Variants in TPO observed in about 807,000 individuals in gnomAD.
TPO encodes thyroid microsomal antigen.
Under a neutral mutation model 96.9 loss-of-function variants are expected in TPO, and 78 were observed. The observed-to-expected ratio is 0.81, with a 90% CI of 0.67 to 0.97. The LOEUF (loss-of-function observed/expected upper bound fraction) is 0.97, where lower values mean the gene tolerates loss of function less well. TPO is among the 50% of genes least tolerant of loss of function. TPO has a pLI of 0.00. For synonymous variants in TPO, 547 were observed against 538.0 expected, an observed-to-expected ratio of 1.02 and a Z score of -0.23; for missense variants, 1,252 against 1,274.8, an observed-to-expected ratio of 0.98 and a Z score of 0.27.
chr2:1,454,706 G>A (rs1419370484), intron 6 of TPO, among the ~76,000 whole-genome samples: 1 of 152,166 alleles, frequency 6.6e-6, no homozygotes. Context: ...GGATAAGACT[G>A]TCTTACCCAC....
intron 1 of TPO, among the ~76,000 whole-genome samples, chr2:1,386,116 G>T (rs948394918): frequency 6.6e-6 from 1 of 152,200 alleles, no homozygotes; most frequent in Non-Finnish European, 1.5e-5. Context: ...ATTTGCTGAG[G>T]AGTGCTTTAC....
intron 1 of TPO, among the ~76,000 whole-genome samples, chr2:1,386,136 T>C (rs1661890466): frequency 1.3e-5 from 2 of 152,208 alleles, no homozygotes; most frequent in African/African-American, 4.8e-5. Context: ...CTTCCAACTA[T>C]GTGGTCAATT....
chr2:1,396,071 C>T lies in TPO; in HGVS notation n.180+21669C>T, dbSNP rs142876198. The stretch of plus-strand genomic sequence containing the variant: ...TCCAGATGCTTCCTGTGAGCTGCCA[C>T]TAAGCTCTGCTCTGCTGGAAGCTCA... On this transcript the variant is annotated intron_variant and non_coding_transcript_variant, in intron 1 of 5. Transcript: ENST00000497517. Among the ~76,000 whole-genome samples the T allele has an allele frequency of 6.3e-3, 953 of 152,352 alleles. 3 individuals carry two copies. The highest frequency in any genetic ancestry group is 0.01 in the Non-Finnish European group (701 of 68,030).
chr2:1,429,312 G>A (rs1440923660), intron 3 of TPO, among the ~76,000 whole-genome samples: 1 of 152,160 alleles, frequency 6.6e-6, no homozygotes, highest in African/African-American at 2.4e-5. Context: ...AAGCCAGGCA[G>A]GTGCAGGAGC....
chr2:1,450,797 G>A (rs1230695616), intron 5 of TPO, among the ~76,000 whole-genome samples: 3 of 152,172 alleles, frequency 2.0e-5, no homozygotes, highest in African/African-American at 7.2e-5. Flanking sequence ...TTTTAATTGA[G>A]TAATCTAACA....
intron 9 of TPO, 104 bp downstream of exon 9, chr2:1,484,958 C>A: frequency 6.5e-7 from 1 of 1,541,756 alleles, no homozygotes; most frequent in Non-Finnish European, 8.8e-7. Context: ...GCACAACGTG[C>A]AGGTTTGTTA....
intron 1 of TPO, among the ~76,000 whole-genome samples, chr2:1,396,477 T>C (rs1573058755): frequency 6.6e-6 from 1 of 152,234 alleles, no homozygotes; most frequent in East Asian, 1.9e-4. Flanking sequence ...TCTGCAAATC[T>C]GACAGTGCTC....
chr2:1,418,009 G>A (rs112260033), intron 2 of TPO, among the ~76,000 whole-genome samples: 2,679 of 151,434 alleles, frequency 0.018, 94 homozygotes, highest in African/African-American at 0.062. Flanking sequence ...TCAGGCCAGT[G>A]CCATGACTCA....
rs1405825046 is a variant in TPO at position 1,539,266 on chromosome 2, G to GCTAA, written c.2619-1325_2619-1322dup. On this transcript the variant is annotated intron_variant, in intron 15 of 16. Coordinates refer to ENST00000329066, the MANE Select transcript of TPO (RefSeq NM_001206744.2). ...AATTTTAATAGAAGCTGGCATTGGT[G>GCTAA]CTAACTCCTTACAGACTTTATGTCA... Among the ~76,000 whole-genome samples, 3 of 152,174 alleles carry GCTAA rather than the reference G, an allele frequency of 2.0e-5. No homozygotes were observed. The East Asian group carries it at 5.8e-4, about 29-fold the overall frequency.
chr2:1,463,149 G>A (rs1668601366), intron 7 of TPO, among the ~76,000 whole-genome samples: 1 of 152,182 alleles, frequency 6.6e-6, no homozygotes, highest in African/African-American at 2.4e-5. Flanking sequence ...AGGCCCCAGG[G>A]TGGGTCTCCA....
intron 5 of TPO, among the ~76,000 whole-genome samples, chr2:1,452,314 A>C (rs936037103): frequency 6.6e-6 from 1 of 152,208 alleles, no homozygotes; most frequent in Non-Finnish European, 1.5e-5. Flanking sequence ...AGTTCCAGTT[A>C]GTTCCTTCAT....
At chr2:1,476,853 G>C (rs565962554) in intron 7 of TPO, among the ~76,000 whole-genome samples, 13 of 150,412 alleles carry the variant, frequency 8.6e-5, no homozygotes, top group Admixed American at 5.9e-4. Context: ...AGCAGGCCAG[G>C]GGGGAGGTGG....
intron 10 of TPO, among the ~76,000 whole-genome samples, chr2:1,493,198 G>C (rs1265681698): frequency 8.0e-6 from 1 of 124,840 alleles, no homozygotes; most frequent in Non-Finnish European, 1.7e-5. Flanking sequence ...GTGTGTGTGT[G>C]TGTGAGTGGG....
intron 1 of TPO, among the ~76,000 whole-genome samples, chr2:1,385,138 A>T (rs529540260): frequency 6.6e-6 from 1 of 151,476 alleles, no homozygotes; most frequent in Non-Finnish European, 1.5e-5. Flanking sequence ...TTTTTGCATC[A>T]GTGTTCATCA....
At chr2:1,541,027 G>A (rs1680702993) in intron 16 of TPO, 1 of 1,343,636 alleles carries the variant, frequency 7.4e-7, no homozygotes, top group Non-Finnish European at 9.7e-7. Flanking sequence ...CACAGGAGAG[G>A]AAGGAGAAGC....
At chr2:1,387,270 TG>T (rs940954889) in intron 1 of TPO, among the ~76,000 whole-genome samples, 49 of 152,238 alleles carry the variant, frequency 3.2e-4, no homozygotes, top group Admixed American at 3.1e-3. Flanking sequence ...CTTGCTAGGT[TG>T]GGGATGTTCT....
At chr2:1,523,131 C>T (rs1488657584) in intron 15 of TPO, among the ~76,000 whole-genome samples, 1 of 148,286 alleles carries the variant, frequency 6.7e-6, no homozygotes, top group Non-Finnish European at 1.5e-5. Context: ...CCCAAATCCG[C>T]CCCACCCTGT....
chr2:1,467,916 A>T (rs1195416185), intron 7 of TPO, among the ~76,000 whole-genome samples: 1 of 149,972 alleles, frequency 6.7e-6, no homozygotes, highest in Non-Finnish European at 1.5e-5. Context: ...TTCCTGTTGG[A>T]CAAGGCCTTT....
In TPO at chr2:1,380,210, C is replaced by T. The variant is rs1302966758; in HGVS notation, n.180+5808C>T. ...GAGATCAAGACCATCCTGGCTAATACGGTGAAACCCCGTCTCTACTAAAAA... is the reference window on the plus strand; with the variant it reads ...GAGATCAAGACCATCCTGGCTAATATGGTGAAACCCCGTCTCTACTAAAAA... On this transcript the variant is annotated intron_variant and non_coding_transcript_variant, in intron 1 of 5. Coordinates refer to the TPO transcript ENST00000497517. Among the ~76,000 whole-genome samples, 17 of 152,012 alleles carry T rather than the reference C, an allele frequency of 1.1e-4. 1 individual carries two copies. In the East Asian group the frequency reaches 2.5e-3, roughly 23 times the overall value.
Sources: gnomAD v4.1 joint callset for allele counts (sites outside exome capture counted in the v4.1 genomes callset) on GRCh38, gnomAD v4.1.1 for gene constraint, MANE v1.5 for transcripts, NCBI Gene and HGNC (gene_info 2026-07-23, HGNC 2026-07-21) for gene names.